The following MYO5C variants were observed in gnomAD, a reference collection of about 807,000 sequenced individuals.
MYO5C encodes the protein myosin VC, also known as unconventional myosin-Vc.
A neutral mutation model predicts 235.7 loss-of-function variants in MYO5C; 194 were observed. The ratio of observed to expected loss-of-function variants is 0.82; its 90% CI spans 0.73 to 0.93. The LOEUF is 0.93. Ranked by LOEUF, MYO5C falls within the 40% of genes least tolerant of loss-of-function variation. The pLI is 0.00. For missense variants in MYO5C, 2,038 were observed against 2,127.2 expected (o/e 0.96, Z 0.82); for synonymous variants, 707 against 754.8 (o/e 0.94, Z 1.04).
intron 30 of MYO5C, 103 bp downstream of exon 30, chr15:52,221,059 G>C (rs1464516900): frequency 8.4e-6 from 7 of 838,208 alleles, no homozygotes; most frequent in Non-Finnish European, 1.1e-5. Flanking sequence ...CAGCCCCCTA[G>C]AGAACCAGAG....
chr15:52,268,380 C>T (rs996543740), intron 8 of MYO5C, among the ~76,000 whole-genome samples: 4 of 152,188 alleles, frequency 2.6e-5, no homozygotes, highest in Non-Finnish European at 4.4e-5. Flanking sequence ...TTGGCCAACA[C>T]GGTGAAACCC....
rs1452242835 is a variant in MYO5C, at chr15:52,225,792, G to A, written c.3208-260C>T. 6.6e-5 allele frequency among the ~76,000 whole-genome samples: 10 copies of A among 152,312 alleles called. No individual in the cohort carries two copies. The South Asian group carries it at 1.9e-3, about 28-fold the overall frequency. On this transcript the variant is annotated intron_variant, in intron 25 of 40. Coordinates refer to ENST00000261839, the MANE Select transcript of MYO5C (RefSeq NM_018728.4). ...GGGCCAGGCATGGTGGCTCACACCTGTAATCCCAGCACTTTGGGAGGCTGA... is the reference window on the plus strand; with the variant it reads ...GGGCCAGGCATGGTGGCTCACACCTATAATCCCAGCACTTTGGGAGGCTGA...
In MYO5C at chr15:52,279,610, C is replaced by T; in HGVS notation, c.203G>A (p.Gly68Asp). Residue 68 changes from glycine to aspartate, a missense_variant, in exon 3 of 41, where the codon GGC becomes GAC. Physicochemically the swap from Gly to Asp is moderately conservative, Grantham distance 94. Transcript: ENST00000261839. ...PPLRNPDILV[G>D]ENDLTALSYL... Reference sequence around the variant, plus strand: ...GCTGAGAGCCGTGAGGTCATTCTCGCCCACGAGGATGTCAGGATTCCGAAG... The same window carrying T: ...GCTGAGAGCCGTGAGGTCATTCTCGTCCACGAGGATGTCAGGATTCCGAAG... The T allele has an allele frequency of 2.5e-6, 4 of 1,613,930 alleles. No homozygotes were observed. Among genetic ancestry groups the T allele is most frequent in the Non-Finnish European group, 3.4e-6 (4 of 1,179,824 alleles).
At chr15:52,209,200 G>T (rs562843803) in intron 35 of MYO5C, among the ~76,000 whole-genome samples, 10 of 152,086 alleles carry the variant, frequency 6.6e-5, no homozygotes, top group Non-Finnish European at 1.2e-4. Context: ...TGATCAGAGG[G>T]GAAAACAGAG....
At chr15:52,249,931 A>C (rs2036436688) in intron 13 of MYO5C, among the ~76,000 whole-genome samples, 1 of 152,224 alleles carries the variant, frequency 6.6e-6, no homozygotes, top group Admixed American at 6.5e-5. Context: ...TCTTCCCACC[A>C]ATCAATCCAT....
At chr15:52,293,477 C>T (rs1359508478) in intron 1 of MYO5C, among the ~76,000 whole-genome samples, 1 of 152,188 alleles carries the variant, frequency 6.6e-6, no homozygotes, top group African/African-American at 2.4e-5. Context: ...TGGAAGCCCC[C>T]TCACCCCTTC....
At chr15:52,218,388 G>T in intron 32 of MYO5C, 131 bp downstream of exon 32, 1 of 958,436 alleles carries the variant, frequency 1.0e-6, no homozygotes, top group African/African-American at 1.7e-5. Context: ...TTTGGGATAA[G>T]AAAACAGACT....
intron 21 of MYO5C, 94 bp downstream of exon 21, chr15:52,239,639 A>T: frequency 7.2e-7 from 1 of 1,380,740 alleles, no homozygotes; most frequent in Non-Finnish European, 9.8e-7. Flanking sequence ...CTAACATGGC[A>T]TAAATTTTAA....
intron 39 of MYO5C, among the ~76,000 whole-genome samples, chr15:52,195,883 C>T (rs896680365): frequency 6.6e-6 from 1 of 150,602 alleles, no homozygotes; most frequent in Non-Finnish European, 1.5e-5. Flanking sequence ...ACTGCAGCCT[C>T]GAACCCCTGG....
chr15:52,275,865 T>A, intron 4 of MYO5C, 147 bp from the exon 5 acceptor site: 1 of 810,172 alleles, frequency 1.2e-6, no homozygotes, highest in East Asian at 2.7e-5. Flanking sequence ...CCTTCTAGAT[T>A]TTTTTTTCTA....
At chr15:52,246,105 G>T in intron 16 of MYO5C, 63 bp from the exon 17 acceptor site, 1 of 1,331,666 alleles carries the variant, frequency 7.5e-7, no homozygotes, top group Non-Finnish European at 1.1e-6. Context: ...CCCATAAACA[G>T]GCACAGCAGA....
intron 12 of MYO5C, among the ~76,000 whole-genome samples, chr15:52,252,551 G>A (rs967359765): frequency 1.3e-5 from 2 of 151,972 alleles, no homozygotes; most frequent in East Asian, 1.9e-4. Flanking sequence ...CGAGGCAGGC[G>A]GATCACGAGG....
Position 52,295,702 on chromosome 15 carries a change from C to T in MYO5C, c.-66G>A, listed in dbSNP as rs924193618. 23 of 1,179,002 alleles carry T rather than the reference C, an allele frequency of 2.0e-5. No individual in the cohort carries two copies. In the African/African-American group the frequency reaches 3.4e-4, roughly 17 times the overall value. 73.0% of individuals were successfully genotyped at this position (1,179,002 alleles called of 1,614,324 possible). A position where few individuals can be genotyped will look rare whatever the true frequency, so the allele number is the denominator to read the frequency against. The stretch of plus-strand genomic sequence containing the variant: ...GCGAGGCTCGGGGGCTGGGCCTGCG[C>T]CGCAGAGGCCGGGCGCAGGAGAGAC... On this transcript the variant is annotated 5_prime_UTR_variant, in exon 1 of 41. Transcript: ENST00000261839.
chr15:52,251,070 TAAGG>T (rs1279500728), intron 13 of MYO5C: 1 of 177,814 alleles, frequency 5.6e-6, no homozygotes, highest in Non-Finnish European at 1.2e-5. Flanking sequence ...GCTTTCATCA[TAAGG>T]AAGAATTATG....
chr15:52,269,176 A>T lies in MYO5C; in HGVS notation c.940+577T>A, dbSNP rs74415506. Among the ~76,000 whole-genome samples the T allele has an allele frequency of 2.0e-3, 312 of 152,356 alleles. 5 individuals carry two copies. Among genetic ancestry groups the T allele is most frequent in the Admixed American group, 0.018 (280 of 15,300 alleles). ...GTCATTCTTGTACTCAGCCTAGAAG[A>T]GCTTACGGCAGTCACAGGGCTTGCA... On this transcript the variant is annotated intron_variant, in intron 8 of 40. Coordinates refer to ENST00000261839, the MANE Select transcript of MYO5C (RefSeq NM_018728.4).
intron 38 of MYO5C, 55 bp from the exon 39 acceptor site, chr15:52,196,538 C>T: frequency 6.5e-7 from 1 of 1,540,696 alleles, no homozygotes; most frequent in Non-Finnish European, 8.8e-7. Flanking sequence ...GCCAGATACT[C>T]CTGTGTGTCC....
intron 33 of MYO5C, among the ~76,000 whole-genome samples, chr15:52,214,027 C>T (rs2035503834): frequency 6.6e-6 from 1 of 152,054 alleles, no homozygotes; most frequent in Non-Finnish European, 1.5e-5. Flanking sequence ...ACAGCCTTGG[C>T]AGTAAGGCTG....
At chr15:52,293,294 C>T (rs1566998793) in intron 1 of MYO5C, among the ~76,000 whole-genome samples, 1 of 152,122 alleles carries the variant, frequency 6.6e-6, no homozygotes, top group Non-Finnish European at 1.5e-5. Context: ...TCACTCCTTG[C>T]ACAGATGCAT....
Position 52,242,219 on chromosome 15 carries a change from T to A in MYO5C, c.2391-6A>T. Reference sequence around the variant, plus strand: ...CCACTGCAGTAATAGCTTTCCTTGGTTAACAAGGATGAAGAGTGAGTCTGT... The same window carrying A: ...CCACTGCAGTAATAGCTTTCCTTGGATAACAAGGATGAAGAGTGAGTCTGT... On this transcript the variant is annotated splice_polypyrimidine_tract_variant and splice_region_variant and intron_variant, in intron 19 of 40. Transcript: ENST00000261839. 6.2e-7 allele frequency: 1 copy of A among 1,607,718 alleles called. No individual in the cohort carries two copies. Among genetic ancestry groups the A allele is most frequent in the Admixed American group, 1.7e-5 (1 of 59,370 alleles).
Sources: allele counts gnomAD v4.1 joint callset (sites outside exome capture counted in the v4.1 genomes callset), GRCh38; gene constraint gnomAD v4.1.1; transcripts MANE v1.5; gene names NCBI Gene and HGNC (gene_info 2026-07-23, HGNC 2026-07-21).